Variants in XKR9 observed in about 807,000 individuals in gnomAD.
XKR9 encodes XK-related protein 9.
XKR9 carries 32 observed loss-of-function variants against 32.0 expected under a neutral mutation model. The observed-to-expected ratio is 1.00, with a 90% CI of 0.76 to 1.34. The LOEUF is 1.34. Among genes scored for constraint, XKR9 ranks in the 40% most tolerant of loss-of-function variants. XKR9 has a pLI of 0.00. For missense variants in XKR9, 546 were observed against 429.7 expected, an observed-to-expected ratio of 1.27 and a Z score of -2.39; for synonymous variants, 168 against 143.4, an observed-to-expected ratio of 1.17 and a Z score of -1.22.
intron 4 of XKR9, among the ~76,000 whole-genome samples, chr8:70,722,902 C>T (rs1325987541): frequency 6.6e-6 from 1 of 151,768 alleles, no homozygotes; most frequent in Non-Finnish European, 1.5e-5. Flanking sequence ...TTTTACTTTG[C>T]TTCCATTCTC....
At chr8:70,725,156 T>A (rs1215800450) in intron 4 of XKR9, among the ~76,000 whole-genome samples, 2 of 152,166 alleles carry the variant, frequency 1.3e-5, no homozygotes, top group Non-Finnish European at 2.9e-5. Flanking sequence ...ACTTCCCCTG[T>A]GATTCAATTA....
At chr8:70,685,181 T>A (rs1819221343) in intron 3 of XKR9, among the ~76,000 whole-genome samples, 1 of 151,488 alleles carries the variant, frequency 6.6e-6, no homozygotes, top group Admixed American at 6.6e-5. Context: ...AATGAAGAGT[T>A]CATGTCCTTT....
At chr8:70,854,201 T>G in the XKR9 span, among the ~76,000 whole-genome samples, 1 of 152,186 alleles carries the variant, frequency 6.6e-6, no homozygotes, top group African/African-American at 2.4e-5. Context: ...GTTTCCTGAC[T>G]TTTTAATGAT....
intron 3 of XKR9, among the ~76,000 whole-genome samples, chr8:70,690,679 A>G (rs2132132490): frequency 6.6e-6 from 1 of 152,088 alleles, no homozygotes; most frequent in African/African-American, 2.4e-5. Flanking sequence ...AACATGCGGT[A>G]TTTGGTTTTC....
the XKR9 span, among the ~76,000 whole-genome samples, chr8:71,062,412 G>A: frequency 6.6e-6 from 1 of 152,080 alleles, no homozygotes; most frequent in Non-Finnish European, 1.5e-5. Flanking sequence ...ATGATGGAAG[G>A]GACAAGAGAT....
At chr8:71,048,336 T>C in the XKR9 span, among the ~76,000 whole-genome samples, 1 of 152,218 alleles carries the variant, frequency 6.6e-6, no homozygotes, top group Non-Finnish European at 1.5e-5. Context: ...CCACATCGTT[T>C]AGAGCTGAGC....
chr8:70,979,141 C>G, the XKR9 span, among the ~76,000 whole-genome samples: 1 of 152,132 alleles, frequency 6.6e-6, no homozygotes, highest in African/African-American at 2.4e-5. Context: ...TTCATCTAAT[C>G]TTTTTTCAAG....
At chr8:71,045,824 T>C in the XKR9 span, among the ~76,000 whole-genome samples, 6 of 152,166 alleles carry the variant, frequency 3.9e-5, no homozygotes, top group African/African-American at 1.2e-4. Context: ...CTGGATGGCT[T>C]GAGAAGCTGA....
intron 2 of XKR9, among the ~76,000 whole-genome samples, chr8:70,770,585 C>T (rs1448252602): frequency 6.6e-6 from 1 of 152,232 alleles, no homozygotes; most frequent in Non-Finnish European, 1.5e-5. Flanking sequence ...ACTGGGGCTG[C>T]TGTCTTCCTT....
chr8:70,852,054 C>A, the XKR9 span, among the ~76,000 whole-genome samples: 529 of 152,244 alleles, frequency 3.5e-3, 4 homozygotes, highest in African/African-American at 0.012. Context: ...GTCTAATATC[C>A]AGAATCTACA....
At chr8:71,013,098 T>C in the XKR9 span, among the ~76,000 whole-genome samples, 1 of 152,018 alleles carries the variant, frequency 6.6e-6, no homozygotes, top group Non-Finnish European at 1.5e-5. Context: ...AGATGGAAGG[T>C]TGAAGTTGAA....
At chr8:71,004,174 G>A in the XKR9 span, among the ~76,000 whole-genome samples, 56 of 152,302 alleles carry the variant, frequency 3.7e-4, no homozygotes, top group East Asian at 2.3e-3. Context: ...GAGGTACTGG[G>A]AAAGAAGCTA....
the XKR9 span, among the ~76,000 whole-genome samples, chr8:70,796,342 TA>T: frequency 1.3e-5 from 2 of 152,138 alleles, no homozygotes; most frequent in African/African-American, 2.4e-5. Flanking sequence ...CCATATTATC[TA>T]AGTTATCTAA....
chr8:70,749,263 A>G (rs1038440418), intron 2 of XKR9, among the ~76,000 whole-genome samples: 2 of 152,220 alleles, frequency 1.3e-5, no homozygotes, highest in Non-Finnish European at 2.9e-5. Flanking sequence ...AAAGAGCTGT[A>G]ATACAAACGG....
chr8:70,811,812 CAA>C, the XKR9 span, among the ~76,000 whole-genome samples: 56 of 151,894 alleles, frequency 3.7e-4, no homozygotes, highest in African/African-American at 1.3e-3. Flanking sequence ...GCTTACCAAC[CAA>C]AAAGAGTCCA....
At chr8:71,060,286 G>C in the XKR9 span, among the ~76,000 whole-genome samples, 1 of 152,204 alleles carries the variant, frequency 6.6e-6, no homozygotes, top group Non-Finnish European at 1.5e-5. Flanking sequence ...TCTAGACCCT[G>C]AGCTGAATGG....
At chr8:70,980,001 G>A in the XKR9 span, among the ~76,000 whole-genome samples, 4 of 152,218 alleles carry the variant, frequency 2.6e-5, no homozygotes, top group South Asian at 2.1e-4. Context: ...TTGCTGCCTC[G>A]CAGTTCGATC....
At chr8:70,717,469 A>C (rs993414453) in intron 4 of XKR9, among the ~76,000 whole-genome samples, 1 of 152,144 alleles carries the variant, frequency 6.6e-6, no homozygotes, top group East Asian at 1.9e-4. Context: ...GCCCAGTACC[A>C]CTTGTAAGGT....
the XKR9 span, among the ~76,000 whole-genome samples, chr8:70,962,345 A>G: frequency 1.3e-5 from 2 of 152,008 alleles, no homozygotes; most frequent in Non-Finnish European, 2.9e-5. Flanking sequence ...AGTTTTTCAA[A>G]CCTTGCCCTC....
Sources: allele counts gnomAD v4.1 joint callset (sites outside exome capture counted in the v4.1 genomes callset), GRCh38; gene constraint gnomAD v4.1.1; transcripts MANE v1.5; gene names NCBI Gene and HGNC (gene_info 2026-07-23, HGNC 2026-07-21).